WSB2: variants seen among roughly 807,000 people sequenced by gnomAD.
WSB2 encodes the protein WD repeat and SOCS box-containing protein 2.
Under a neutral mutation model 48.8 loss-of-function variants are expected in WSB2, and 12 were observed. The ratio of observed to expected loss-of-function variants is 0.25; its 90% CI spans 0.16 to 0.40. The LOEUF (loss-of-function observed/expected upper bound fraction) is 0.40. WSB2 is among the 10% of genes least tolerant of loss of function. The probability of loss-of-function intolerance (pLI) is 1.00; values close to 1 mark genes in which losing one functional copy is unlikely to be tolerated. For missense variants in WSB2, 317 were observed against 506.2 expected (o/e 0.63, Z 3.59); for synonymous variants, 191 against 203.1 (o/e 0.94, Z 0.51).
At chr12:118,036,595 A>C in intron 5 of WSB2, 85 bp from the exon 6 acceptor site, 6 of 1,396,434 alleles carry the variant, frequency 4.3e-6, no homozygotes, top group Non-Finnish European at 4.9e-6. Context: ...CCACCACCAA[A>C]TCTGCAGGCC....
intron 4 of WSB2, among the ~76,000 whole-genome samples, chr12:118,039,177 T>C (rs962602748): frequency 6.6e-6 from 1 of 152,162 alleles, no homozygotes; most frequent in Non-Finnish European, 1.5e-5. Flanking sequence ...AGCAGTGGTG[T>C]GGAGTCACTA....
rs2032041808 is a variant in WSB2, at chr12:118,060,528, T to C, written c.13+508A>G. ...GGTCCCAGCCACCCTCCGAGGAAGGTACTAGGATTATCCCATTTTGCAGAT... is the reference window on the plus strand; with the variant it reads ...GGTCCCAGCCACCCTCCGAGGAAGGCACTAGGATTATCCCATTTTGCAGAT... On this transcript the variant is annotated intron_variant, in intron 1 of 8. Coordinates refer to ENST00000315436, the MANE Select transcript of WSB2 (RefSeq NM_018639.5). The surrounding 1 kb of genome is among the most constrained non-coding windows in gnomAD (Gnocchi z 4.1). Among the ~76,000 whole-genome samples the C allele has an allele frequency of 6.6e-6, 1 of 152,008 alleles. No individual in the cohort carries two copies. Among genetic ancestry groups the C allele is most frequent in the Admixed American group, 6.5e-5 (1 of 15,276 alleles).
chr12:118,052,420 C>T lies in WSB2; in HGVS notation c.72G>A (p.Lys24=), dbSNP rs1233204836. Residue 24 remains lysine, a synonymous_variant, in exon 2 of 9, where the codon AAG becomes AAA. Coordinates refer to ENST00000315436, the MANE Select transcript of WSB2 (RefSeq NM_018639.5). ...KPGRPHQFDW[K]SSCETWSVAF... is the part of the protein sequence containing the mutation. The stretch of plus-strand genomic sequence containing the variant: ...CGACGCTCCAGGTTTCACAGCTGGA[C>T]TTCCAATCAAACTGGTGGGGGCGCC... 1 of 1,614,230 alleles carries T rather than the reference C, an allele frequency of 6.2e-7. No homozygotes were observed. Among genetic ancestry groups the T allele is most frequent in the Non-Finnish European group, 8.5e-7 (1 of 1,180,036 alleles).
At position 118,035,788 on chromosome 12, in the gene WSB2, TAAAG is replaced by T. The variant is rs2137761601; in HGVS notation, c.834-468_834-465del. ...TACTACAGTTATTAGTAAATGGAAATAAAGAGTCATATTGAGGCTTCATAATGCT... is the reference window on the plus strand; with the variant it reads ...TACTACAGTTATTAGTAAATGGAAATAGTCATATTGAGGCTTCATAATGCT... On this transcript the variant is annotated intron_variant, in intron 6 of 8. Coordinates refer to ENST00000315436, the MANE Select transcript of WSB2 (RefSeq NM_018639.5). 3 of 168,662 alleles carry T rather than the reference TAAAG, an allele frequency of 1.8e-5. No individual in the cohort carries two copies. In the South Asian group the frequency reaches 4.4e-4, roughly 25 times the overall value. 10.4% of individuals were successfully genotyped at this position (168,662 alleles called of 1,614,324 possible). A position where few individuals can be genotyped will look rare whatever the true frequency, so the allele number is the denominator to read the frequency against.
Position 118,032,853 on chromosome 12 carries a change from TA to T in WSB2, c.*1342del, listed in dbSNP as rs1329641123. ...CCGTCACACCCAGCCCTGCTTGTTTTAAAAGGGGACTTTTTTTTTTCTTAAT... is the reference window on the plus strand; with the variant it reads ...CCGTCACACCCAGCCCTGCTTGTTTTAAAGGGGACTTTTTTTTTTCTTAAT... On this transcript the variant is annotated 3_prime_UTR_variant, in exon 9 of 9. Coordinates refer to ENST00000315436, the MANE Select transcript of WSB2 (RefSeq NM_018639.5). 1 of 152,134 alleles carries T rather than the reference TA, an allele frequency of 6.6e-6. No homozygotes were observed. The highest frequency in any genetic ancestry group is 1.9e-4 in the East Asian group (1 of 5,202). 9.4% of individuals were successfully genotyped at this position (152,134 alleles called of 1,614,324 possible). A position where few individuals can be genotyped will look rare whatever the true frequency, so the allele number is the denominator to read the frequency against.
At chr12:118,036,732 C>T (rs1320156064) in intron 5 of WSB2, among the ~76,000 whole-genome samples, 1 of 152,178 alleles carries the variant, frequency 6.6e-6, no homozygotes, top group Non-Finnish European at 1.5e-5. Context: ...AAGGAGCTCA[C>T]TATAAGAGAG....
chr12:118,036,288 TC>T (rs766256018), intron 6 of WSB2, 49 bp downstream of exon 6: 1 of 1,582,002 alleles, frequency 6.3e-7, no homozygotes, highest in South Asian at 1.1e-5. Context: ...CCAGGCAGGT[TC>T]CTCATCAGTC....
intron 3 of WSB2, 48 bp from the exon 4 acceptor site, chr12:118,043,020 G>T (rs1185982853): frequency 6.2e-7 from 1 of 1,613,868 alleles, no homozygotes; most frequent in Admixed American, 1.7e-5. Context: ...GGGGCACGAG[G>T]TGTGCCTGCC....
intron 2 of WSB2, 125 bp downstream of exon 2, chr12:118,052,185 C>T: frequency 2.3e-6 from 3 of 1,315,148 alleles, no homozygotes; most frequent in Non-Finnish European, 2.0e-6. Flanking sequence ...CTCTGGAAAC[C>T]CCCATGATCA....
In WSB2 at chr12:118,060,836, T is replaced by C. The variant is rs374989488; in HGVS notation, c.13+200A>G. Among the ~76,000 whole-genome samples the C allele has an allele frequency of 8.6e-5, 13 of 151,870 alleles. No homozygotes were observed. In the East Asian group the frequency reaches 1.6e-3, roughly 18 times the overall value. On this transcript the variant is annotated intron_variant, in intron 1 of 8. Coordinates refer to ENST00000315436, the MANE Select transcript of WSB2 (RefSeq NM_018639.5). The surrounding 1 kb of genome is among the most constrained non-coding windows in gnomAD (Gnocchi z 4.1). ...CGGCGGGAGTCAGGGTGGCGGCCAC[T>C]GACAACGAAAGTGAAACAAAGCTGG...
At chr12:118,054,067 T>C (rs1489901269) in intron 1 of WSB2, among the ~76,000 whole-genome samples, 4 of 151,894 alleles carry the variant, frequency 2.6e-5, no homozygotes, top group Non-Finnish European at 4.4e-5. Context: ...GAGATGCATA[T>C]GTGTATATTT....
At chr12:118,040,518 TG>T (rs1555267798) in intron 4 of WSB2, among the ~76,000 whole-genome samples, 1 of 152,088 alleles carries the variant, frequency 6.6e-6, no homozygotes, top group Non-Finnish European at 1.5e-5. Context: ...CCCAGCACTT[TG>T]GGAGGCCGAG....
intron 2 of WSB2, among the ~76,000 whole-genome samples, chr12:118,049,147 T>A (rs915997657): frequency 2.6e-5 from 4 of 152,220 alleles, no homozygotes; most frequent in Non-Finnish European, 5.9e-5. Flanking sequence ...TGAAGGTGCA[T>A]CCCTTGTATT....
chr12:118,050,679 T>C (rs1370673937), intron 2 of WSB2, among the ~76,000 whole-genome samples: 1 of 152,002 alleles, frequency 6.6e-6, no homozygotes, highest in South Asian at 2.1e-4. Flanking sequence ...ACTTGGTTGA[T>C]AATAAAAAGA....
chr12:118,060,903 A>T lies in WSB2; in HGVS notation c.13+133T>A. The T allele has an allele frequency of 3.1e-6, 1 of 317,640 alleles. No individual in the cohort carries two copies. Among genetic ancestry groups the T allele is most frequent in the Non-Finnish European group, 4.5e-6 (1 of 220,490 alleles). The allele number at this position is 317,640 out of a possible 1,614,324, so 19.7% of individuals were successfully genotyped here. On this transcript the variant is annotated intron_variant, in intron 1 of 8. Coordinates refer to ENST00000315436, the MANE Select transcript of WSB2 (RefSeq NM_018639.5). This position sits in a 1 kb window ranked among gnomAD's most constrained non-coding sequence, Gnocchi z 4.1. ...CCCGCCGGCCCCGCGCGGACCTCCC[A>T]GGCCGGACGCCCCCGCCGCGTCCAG...
At chr12:118,040,258 G>A (rs1156875049) in intron 4 of WSB2, among the ~76,000 whole-genome samples, 1 of 152,124 alleles carries the variant, frequency 6.6e-6, no homozygotes, top group African/African-American at 2.4e-5. Context: ...TGTTAGGTCA[G>A]TGGGGCAGCG....
At chr12:118,058,523 G>A (rs1017884256) in intron 1 of WSB2, among the ~76,000 whole-genome samples, 8 of 151,298 alleles carry the variant, frequency 5.3e-5, no homozygotes, top group African/African-American at 1.2e-4. Flanking sequence ...CCTATAGTTC[G>A]GTATTTTTTG....
chr12:118,057,776 G>GTT (rs71099102), intron 1 of WSB2, among the ~76,000 whole-genome samples: 210 of 141,456 alleles, frequency 1.5e-3, no homozygotes, highest in Admixed American at 2.0e-3. Context: ...ATATATTTGG[G>GTT]TTTTTTTTTT....
At position 118,033,978 on chromosome 12, in the gene WSB2, C is replaced by T. The variant is rs762077635; in HGVS notation, c.*218G>A. 1.2e-4 allele frequency: 68 copies of T among 586,680 alleles called. No homozygotes were observed. The East Asian group carries it at 1.3e-3, about 11-fold the overall frequency. The allele number at this position is 586,680 out of a possible 1,614,324, so 36.3% of individuals were successfully genotyped here. On this transcript the variant is annotated 3_prime_UTR_variant, in exon 9 of 9. Coordinates refer to ENST00000315436, the MANE Select transcript of WSB2 (RefSeq NM_018639.5). ...AAAATTTAACGTAAGGCTCTGTTGC[C>T]GTGCAAGTGGAATCTCTTCCTCTAA... is the stretch of plus-strand genomic sequence containing the variant.
Sources: gnomAD v4.1 joint callset for allele counts (sites outside exome capture counted in the v4.1 genomes callset) on GRCh38, gnomAD v4.1.1 for gene constraint, Gnocchi (gnomAD v3.1) non-coding constraint, MANE v1.5 for transcripts, NCBI Gene and HGNC (gene_info 2026-07-23, HGNC 2026-07-21) for gene names.